The following PREP variants were observed in gnomAD, a reference collection of about 807,000 sequenced individuals.
PREP encodes the protein dJ355L5.1 (prolyl endopeptidase).
PREP carries 29 observed loss-of-function variants against 87.6 expected under a neutral mutation model. The ratio of observed to expected loss-of-function variants is 0.33; its 90% CI spans 0.25 to 0.45. PREP has a LOEUF of 0.45. Ranked by LOEUF, PREP falls within the 20% of genes least tolerant of loss-of-function variation. The pLI is 1.00. For synonymous variants in PREP, 337 were observed against 328.6 expected, an observed-to-expected ratio of 1.03 and a Z score of -0.28; for missense variants, 695 against 886.5, an observed-to-expected ratio of 0.78 and a Z score of 2.74.
chr6:105,331,862 C>T (rs1396106566), intron 8 of PREP, among the ~76,000 whole-genome samples: 1 of 152,098 alleles, frequency 6.6e-6, no homozygotes, highest in East Asian at 1.9e-4. Flanking sequence ...TGTAAGTCCC[C>T]CACCCTATGG....
At chr6:105,396,739 G>A (rs1006833067) in intron 2 of PREP, among the ~76,000 whole-genome samples, 23 of 151,714 alleles carry the variant, frequency 1.5e-4, no homozygotes, top group African/African-American at 4.8e-4. Context: ...AAAGAAGCTC[G>A]AATAAATTTT....
Position 105,278,080 on chromosome 6 carries a change from T to C in PREP, c.*64A>G. The C allele has an allele frequency of 6.5e-7, 1 of 1,542,376 alleles. No individual in the cohort carries two copies. Among genetic ancestry groups the C allele is most frequent in the East Asian group, 2.3e-5 (1 of 44,242 alleles). ...GGAAGCATTATGCCCAGTGGTTTCT[T>C]GGTGTCAACGTGGGAAAGCCCTTGA... is the stretch of plus-strand genomic sequence containing the variant. On this transcript the variant is annotated 3_prime_UTR_variant, in exon 15 of 15. Coordinates refer to ENST00000652536, the MANE Select transcript of PREP (RefSeq NM_002726.5). This position sits in a 1 kb window ranked among gnomAD's most constrained non-coding sequence, Gnocchi z 4.2.
At chr6:105,377,724 A>G (rs1018891495) in intron 2 of PREP, among the ~76,000 whole-genome samples, 1 of 152,184 alleles carries the variant, frequency 6.6e-6, no homozygotes, top group Non-Finnish European at 1.5e-5. Flanking sequence ...AGTAACAACC[A>G]ATGCTTACAT....
At chr6:105,307,824 G>T (rs917727024) in intron 10 of PREP, among the ~76,000 whole-genome samples, 8 of 152,094 alleles carry the variant, frequency 5.3e-5, no homozygotes, top group South Asian at 2.1e-4. Context: ...TGTTGACCAG[G>T]CTGGTCTTGA....
intron 8 of PREP, among the ~76,000 whole-genome samples, chr6:105,330,572 C>A (rs1018821287): frequency 6.6e-6 from 1 of 152,088 alleles, no homozygotes; most frequent in Non-Finnish European, 1.5e-5. Context: ...AGGGCCAGGT[C>A]ACCCAGAGGG....
At chr6:105,363,976 A>G (rs1175735539) in intron 6 of PREP, among the ~76,000 whole-genome samples, 1 of 152,194 alleles carries the variant, frequency 6.6e-6, no homozygotes, top group African/African-American at 2.4e-5. Flanking sequence ...ACCTGGACAT[A>G]CATCCTCATT....
Position 105,384,119 on chromosome 6 carries a change from T to C in PREP, c.121-6600A>G, listed in dbSNP as rs74716101. On this transcript the variant is annotated intron_variant, in intron 2 of 14. Transcript: ENST00000652536. ...GTGCCATATGAAGTCCCACTGATAG[T>C]TGGGGAAAGGGTGTGACCGCTGCTG... Among the ~76,000 whole-genome samples, 483 of 152,170 alleles carry C rather than the reference T, an allele frequency of 3.2e-3. 21 individuals are homozygous for C. The East Asian group carries it at 0.079, about 25-fold the overall frequency.
chr6:105,353,472 AAAAAT>A (rs1224254809), intron 6 of PREP, among the ~76,000 whole-genome samples: 1 of 152,114 alleles, frequency 6.6e-6, no homozygotes, highest in Non-Finnish European at 1.5e-5. Context: ...TGTTCTCAAT[AAAAAT>A]TAGCAAAATG....
At chr6:105,313,012 T>C (rs1161406755) in intron 10 of PREP, among the ~76,000 whole-genome samples, 2 of 152,180 alleles carry the variant, frequency 1.3e-5, no homozygotes, top group Non-Finnish European at 2.9e-5. Flanking sequence ...CACAATATTT[T>C]ACTACCATTT....
At chr6:105,391,172 G>A (rs1320157508) in intron 2 of PREP, among the ~76,000 whole-genome samples, 1 of 151,576 alleles carries the variant, frequency 6.6e-6, no homozygotes, top group African/African-American at 2.4e-5. Context: ...CTTGAGGTCA[G>A]GAGTTCAAGA....
rs75940603 is a variant in PREP, at chr6:105,398,701, G to A, written c.46-774C>T. 7.1e-3 allele frequency among the ~76,000 whole-genome samples: 1,082 copies of A among 152,198 alleles called. 41 individuals are homozygous for A. The East Asian group carries it at 0.14, about 20-fold the overall frequency. The stretch of plus-strand genomic sequence containing the variant: ...CTGGCCTTAGAAGCCACTTGAAGGC[G>A]TTTGAAGGAGCAAGTAGAAACAGTT... On this transcript the variant is annotated intron_variant, in intron 1 of 14. Transcript: ENST00000652536.
Position 105,278,036 on chromosome 6 carries a change from AG to A in PREP, c.*107del, listed in dbSNP as rs1309058588. On this transcript the variant is annotated 3_prime_UTR_variant, in exon 15 of 15. Transcript: ENST00000652536. This position sits in a 1 kb window ranked among gnomAD's most constrained non-coding sequence, Gnocchi z 4.2. ...CTGTTCAACTGTAGCCTGTGAGTGCAGGAATAATGTTCCCGTGGGGAAGCAT... is the reference window on the plus strand; with the variant it reads ...CTGTTCAACTGTAGCCTGTGAGTGCAGAATAATGTTCCCGTGGGGAAGCAT... 8.0e-6 allele frequency: 11 copies of A among 1,378,742 alleles called. No homozygotes were observed. The highest frequency in any genetic ancestry group is 1.1e-5 in the Non-Finnish European group (11 of 1,005,054). 85.4% of individuals were successfully genotyped at this position (1,378,742 alleles called of 1,614,324 possible). A position where few individuals can be genotyped will look rare whatever the true frequency, so the allele number is the denominator to read the frequency against.
At chr6:105,344,728 A>T (rs548880254) in intron 7 of PREP, among the ~76,000 whole-genome samples, 1 of 152,328 alleles carries the variant, frequency 6.6e-6, no homozygotes, top group Non-Finnish European at 1.5e-5. Context: ...CACCTAATGT[A>T]AATGACGAGT....
chr6:105,318,363 C>T (rs1770925294), intron 10 of PREP, among the ~76,000 whole-genome samples: 1 of 152,178 alleles, frequency 6.6e-6, no homozygotes, highest in African/African-American at 2.4e-5. Context: ...TCTCAGGTTG[C>T]TGCAGAGTAA....
chr6:105,347,564 G>C (rs1182301537), intron 7 of PREP, among the ~76,000 whole-genome samples: 1 of 152,072 alleles, frequency 6.6e-6, no homozygotes, highest in Non-Finnish European at 1.5e-5. Context: ...ATATTTTTAA[G>C]GCAGAAACTT....
Position 105,288,873 on chromosome 6 carries a change from C to T in PREP, c.1339G>A (p.Gly447Ser). 1 of 1,613,050 alleles carries T rather than the reference C, an allele frequency of 6.2e-7. No individual in the cohort carries two copies. The highest frequency in any genetic ancestry group is 8.5e-7 in the Non-Finnish European group (1 of 1,179,080). The stretch of plus-strand genomic sequence containing the variant: ...ACAATGAACATTGGAATCTTCGTAC[C>T]ATCCTTGCTAGGGTAGAAAATCTAG... ...TVQIFYPSKD[G>S]TKIPMFIVHK... is the part of the protein sequence containing the mutation. The change falls in exon 11 of 15, where the codon GGT (glycine) becomes AGT (serine). Residue 447 changes from glycine to serine, a missense_variant. This residue lies in a region of PREP where 517 missense variants were observed against 620.3 expected (regional missense o/e 0.83). Transcript: ENST00000652536.
intron 2 of PREP, among the ~76,000 whole-genome samples, chr6:105,396,160 C>G (rs1773281208): frequency 6.6e-6 from 1 of 152,184 alleles, no homozygotes; most frequent in Non-Finnish European, 1.5e-5. Flanking sequence ...AAAAATTAAA[C>G]CCCAAATATC....
At chr6:105,393,694 C>T (rs988083859) in intron 2 of PREP, among the ~76,000 whole-genome samples, 4 of 152,138 alleles carry the variant, frequency 2.6e-5, no homozygotes, top group African/African-American at 9.7e-5. Flanking sequence ...TAATCCACTA[C>T]ACACAAATCA....
At chr6:105,354,222 T>C (rs1772032965) in intron 6 of PREP, among the ~76,000 whole-genome samples, 1 of 152,230 alleles carries the variant, frequency 6.6e-6, no homozygotes, top group Non-Finnish European at 1.5e-5. Context: ...TATTATTTGT[T>C]TTCTTACTAT....
Sources: gnomAD v4.1 joint callset for allele counts (sites outside exome capture counted in the v4.1 genomes callset) on GRCh38, gnomAD v4.1.1 for gene constraint, gnomAD v4.1.1 regional missense constraint, Gnocchi (gnomAD v3.1) non-coding constraint, MANE v1.5 for transcripts, NCBI Gene and HGNC (gene_info 2026-07-23, HGNC 2026-07-21) for gene names.